Variants in AZIN1 observed in about 807,000 individuals in gnomAD.
The protein encoded by AZIN1 is antizyme inhibitor 1.
In AZIN1, 12 loss-of-function variants were observed where a neutral mutation model predicts 47.4. The ratio of observed to expected loss-of-function variants is 0.25; its 90% CI spans 0.16 to 0.41. The LOEUF (loss-of-function observed/expected upper bound fraction) is 0.41. Among genes scored for constraint, AZIN1 ranks in the 10% least tolerant of loss-of-function variants. The probability of loss-of-function intolerance (pLI) is 1.00; values close to 1 mark genes in which losing one functional copy is unlikely to be tolerated. For synonymous variants in AZIN1, 155 were observed against 176.3 expected (o/e 0.88, Z 0.96); for missense variants, 410 against 532.4 (o/e 0.77, Z 2.26).
chr8:102,843,568 C>G lies in AZIN1; in HGVS notation c.85G>C (p.Val29Leu). The change falls in exon 3 of 12, where the codon GTT becomes CTT. Residue 29 changes from valine to leucine, a missense_variant. Transcript: ENST00000337198. ...TNLGNVIDNY[V>L]YEHTLTGKNA... ...GCACTTACCAGGGTATGTTCATAAA[C>G]ATAGTTATCAATAACATTTCCAAGG... The G allele has an allele frequency of 6.2e-7, 1 of 1,613,810 alleles. No homozygotes were observed. The highest frequency in any genetic ancestry group is 2.2e-5 in the East Asian group (1 of 44,866).
chr8:102,842,086 G>A (rs1458138611), intron 3 of AZIN1, among the ~76,000 whole-genome samples: 2 of 151,888 alleles, frequency 1.3e-5, no homozygotes, highest in Non-Finnish European at 2.9e-5. Flanking sequence ...GCTCCAGCCT[G>A]GGCAACAAGA....
chr8:102,849,236 T>C (rs1018326926), intron 2 of AZIN1, among the ~76,000 whole-genome samples: 26 of 152,230 alleles, frequency 1.7e-4, no homozygotes, highest in Admixed American at 9.8e-4. Context: ...GAGGTTACAG[T>C]GAGCTGAGAT....
intron 1 of AZIN1, among the ~76,000 whole-genome samples, chr8:102,863,210 G>T (rs558231528): frequency 2.0e-5 from 3 of 152,254 alleles, no homozygotes; most frequent in Admixed American, 2.0e-4. Flanking sequence ...CCACCAGAGG[G>T]GGACCGCGCT....
Position 102,838,999 on chromosome 8 carries a change from C to A in AZIN1, c.277-83G>T. On this transcript the variant is annotated intron_variant, in intron 4 of 11. Coordinates refer to ENST00000337198, the MANE Select transcript of AZIN1 (RefSeq NM_148174.4). ...GCTTCCTCTAATACTATTACCCCCACCCCTTTTAAAACCAGGGTCTCACTC... is the reference window on the plus strand; with the variant it reads ...GCTTCCTCTAATACTATTACCCCCAACCCTTTTAAAACCAGGGTCTCACTC... The A allele has an allele frequency of 2.4e-6, 3 of 1,255,472 alleles. 1 individual carries two copies. The highest frequency in any genetic ancestry group is 3.3e-6 in the Non-Finnish European group (3 of 907,342). 77.8% of individuals were successfully genotyped at this position (1,255,472 alleles called of 1,614,324 possible).
At chr8:102,830,658 AAAAAG>A (rs754124801) in intron 9 of AZIN1, among the ~76,000 whole-genome samples, 8 of 122,082 alleles carry the variant, frequency 6.6e-5, no homozygotes, top group African/African-American at 2.2e-4. Flanking sequence ...AACAAAAAAA[AAAAAG>A]AAAAGAAAAA....
chr8:102,843,221 A>AAG (rs1325665879), intron 3 of AZIN1, among the ~76,000 whole-genome samples: 3 of 152,006 alleles, frequency 2.0e-5, no homozygotes, highest in African/African-American at 7.2e-5. Flanking sequence ...AAAAAAAAAA[A>AAG]AAGAAAATTG....
chr8:102,834,473 A>G (rs2304349), intron 7 of AZIN1, among the ~76,000 whole-genome samples, 193 bp downstream of exon 7: 15,974 of 152,186 alleles, frequency 0.1, 1,165 homozygotes, highest in Admixed American at 0.22. Flanking sequence ...TATGCAAGTA[A>G]ATTACTATTT....
chr8:102,842,364 C>A (rs1025442349), intron 3 of AZIN1, among the ~76,000 whole-genome samples: 1 of 150,896 alleles, frequency 6.6e-6, no homozygotes, highest in Non-Finnish European at 1.5e-5. Flanking sequence ...GTTGGTCAGG[C>A]GTTCAATACC....
At position 102,833,129 on chromosome 8, in the gene AZIN1, C is replaced by A; in HGVS notation, c.831G>T (p.Val277=). The A allele has an allele frequency of 6.2e-7, 1 of 1,612,912 alleles. No individual in the cohort carries two copies. The change falls in exon 9 of 12, where the codon GTG becomes GTT. Residue 277 remains valine, a synonymous_variant. Coordinates refer to ENST00000337198, the MANE Select transcript of AZIN1 (RefSeq NM_148174.4). ...TAACTGCGAGTGTAAATGCAGAAGA[C>A]ACATAGTAGCTTCCGGGTTCTGAAA... is the stretch of plus-strand genomic sequence containing the variant. ...KIISEPGSYY[V]SSAFTLAVNI...
chr8:102,845,270 G>A (rs929502499), intron 2 of AZIN1, among the ~76,000 whole-genome samples: 1 of 151,990 alleles, frequency 6.6e-6, no homozygotes, highest in Non-Finnish European at 1.5e-5. Context: ...TCCTTAATAA[G>A]CTGTATTAGT....
At chr8:102,857,877 C>T (rs192643402) in intron 2 of AZIN1, 136 bp downstream of exon 2, 103 of 395,328 alleles carry the variant, frequency 2.6e-4, no homozygotes, top group Non-Finnish European at 3.0e-4. Flanking sequence ...TGTCTTATCT[C>T]TATTTCAGAA....
chr8:102,854,139 A>T (rs566795535), intron 2 of AZIN1, among the ~76,000 whole-genome samples: 4 of 152,036 alleles, frequency 2.6e-5, no homozygotes, highest in Non-Finnish European at 5.9e-5. Flanking sequence ...AGGTTTCACC[A>T]TATTGGCCAG....
chr8:102,839,580 T>A lies in AZIN1; in HGVS notation c.276+70A>T, dbSNP rs949616207. ...GTCAAACTTCCTTGCATTTGTTCTC[T>A]AACCGCTGTAACTACATTAAGTTAA... On this transcript the variant is annotated intron_variant, in intron 4 of 11. Coordinates refer to ENST00000337198, the MANE Select transcript of AZIN1 (RefSeq NM_148174.4). The A allele has an allele frequency of 6.2e-6, 7 of 1,121,394 alleles. No individual in the cohort carries two copies. In the African/African-American group the frequency reaches 1.1e-4, roughly 18 times the overall value. The allele number at this position is 1,121,394 out of a possible 1,614,324, so 69.5% of individuals were successfully genotyped here. A position where few individuals can be genotyped will look rare whatever the true frequency, so the allele number is the denominator to read the frequency against.
In AZIN1 at chr8:102,852,244, AG is replaced by A. The variant is rs915223648; in HGVS notation, c.-96+5768del. Among the ~76,000 whole-genome samples, 25 of 152,220 alleles carry A rather than the reference AG, an allele frequency of 1.6e-4. 3 individuals carry two copies. Among genetic ancestry groups the A allele is most frequent in the Admixed American group, 1.4e-3 (22 of 15,284 alleles). On this transcript the variant is annotated intron_variant, in intron 2 of 11. Transcript: ENST00000337198. Reference sequence around the variant, plus strand: ...GGGCATCAGAGGATCCTTGCAGTAAAGAGCAAGAAGCAGATAAAAAGTAATC... The same window carrying A: ...GGGCATCAGAGGATCCTTGCAGTAAAAGCAAGAAGCAGATAAAAAGTAATC...
In AZIN1 at chr8:102,833,110, C is replaced by T. The variant is rs767489665; in HGVS notation, c.850G>A (p.Ala284Thr). The T allele has an allele frequency of 2.5e-5, 40 of 1,612,870 alleles. No homozygotes were observed. The highest frequency in any genetic ancestry group is 3.1e-5 in the Non-Finnish European group (37 of 1,179,182). The change falls in exon 9 of 12, where the codon GCA (alanine) becomes ACA (threonine). Residue 284 changes from alanine (A) to threonine (T), a missense_variant. Physicochemically the swap from Ala to Thr is moderately conservative, Grantham distance 58 (BLOSUM62 0). Coordinates refer to ENST00000337198, the MANE Select transcript of AZIN1 (RefSeq NM_148174.4). The part of the protein sequence containing the change: ...SYYVSSAFTL[A>T]VNIIAKKVVE... The stretch of plus-strand genomic sequence containing the variant: ...ACTTTCTTTGCTATGATATTAACTG[C>T]GAGTGTAAATGCAGAAGACACATAG...
At chr8:102,834,838 ACCATTAAGTATC>A (rs1292577992) in intron 6 of AZIN1, 91 bp from the exon 7 acceptor site, 1 of 793,926 alleles carries the variant, frequency 1.3e-6, no homozygotes, top group East Asian at 2.6e-5. Context: ...TCATATTCAT[ACCATTAAGTATC>A]CCCATTAACT....
At chr8:102,856,425 C>T (rs1813298158) in intron 2 of AZIN1, among the ~76,000 whole-genome samples, 1 of 152,194 alleles carries the variant, frequency 6.6e-6, no homozygotes. Context: ...ACACTATAGA[C>T]TTTCTGAATC....
At chr8:102,853,026 G>A (rs936958938) in intron 2 of AZIN1, among the ~76,000 whole-genome samples, 9 of 152,210 alleles carry the variant, frequency 5.9e-5, no homozygotes, top group Non-Finnish European at 1.0e-4. Flanking sequence ...TCTAATGGAA[G>A]TTAAATATCG....
At chr8:102,851,226 T>G (rs547173061) in intron 2 of AZIN1, among the ~76,000 whole-genome samples, 2 of 152,332 alleles carry the variant, frequency 1.3e-5, no homozygotes, top group East Asian at 3.9e-4. Context: ...ATCATATTAA[T>G]TTCAAGTTTT....
Sources: allele counts gnomAD v4.1 joint callset (sites outside exome capture counted in the v4.1 genomes callset), GRCh38; gene constraint gnomAD v4.1.1; transcripts MANE v1.5; gene names NCBI Gene and HGNC (gene_info 2026-07-23, HGNC 2026-07-21).